TRPC4: variants seen among roughly 807,000 people sequenced by gnomAD.
TRPC4 encodes short transient receptor potential channel 4.
TRPC4 carries 49 observed loss-of-function variants against 99.4 expected under a neutral mutation model. The observed-to-expected ratio is 0.49, with a 90% CI of 0.39 to 0.63. The LOEUF is 0.63. Among genes scored for constraint, TRPC4 ranks in the 20% least tolerant of loss-of-function variants. TRPC4 has a pLI of 0.00. For missense variants in TRPC4, 898 were observed against 1,152.9 expected (o/e 0.78, Z 3.20); for synonymous variants, 454 against 425.9 (o/e 1.07, Z -0.81).
At chr13:37,774,056 A>G (rs1956634243) in intron 2 of TRPC4, among the ~76,000 whole-genome samples, 1 of 151,746 alleles carries the variant, frequency 6.6e-6, no homozygotes, top group South Asian at 2.1e-4. Context: ...GATTAAACTT[A>G]TATCTCCAAG....
chr13:37,790,863 G>T (rs1381970696), intron 1 of TRPC4, among the ~76,000 whole-genome samples: 1 of 152,028 alleles, frequency 6.6e-6, no homozygotes, highest in East Asian at 1.9e-4. Context: ...GACATATTTG[G>T]TGAGTTCAAT....
At chr13:37,866,780 C>T (rs1325130929) in intron 1 of TRPC4, among the ~76,000 whole-genome samples, 1 of 134,856 alleles carries the variant, frequency 7.4e-6, no homozygotes. Context: ...TTCATTATAA[C>T]TAGATAGAAA....
In TRPC4 at chr13:37,755,266, TA is replaced by T. The variant is rs574162015; in HGVS notation, c.379-8812del. On this transcript the variant is annotated intron_variant, in intron 2 of 10. Coordinates refer to ENST00000379705, the MANE Select transcript of TRPC4 (RefSeq NM_016179.4). ...GGATACATGTCCTAACCTGGCTCTT[TA>T]AAAAAAAAAAAAGAAGAAATAGGGT... Among the ~76,000 whole-genome samples, 870 of 141,884 alleles carry T rather than the reference TA, an allele frequency of 6.1e-3. 6 individuals are homozygous for T. Among genetic ancestry groups the T allele is most frequent in the Middle Eastern group, 0.014 (4 of 276 alleles). 93.1% of individuals were successfully genotyped at this position (141,884 alleles called of 152,430 possible). A position where few individuals can be genotyped will look rare whatever the true frequency, so the allele number is the denominator to read the frequency against.
At chr13:37,750,649 T>G (rs867579095) in intron 2 of TRPC4, among the ~76,000 whole-genome samples, 39 of 152,112 alleles carry the variant, frequency 2.6e-4, no homozygotes, top group African/African-American at 8.7e-4. Flanking sequence ...TGGCAATTTT[T>G]AAAAAAATTA....
rs1007259582 is a variant in TRPC4 at position 37,635,156 on chromosome 13, A to G, written c.*1747T>C. ...AAGGGACTCTTATGAAGCATACCAA[A>G]CTCATTCTCTCTCAAGGTATAGGAC... is the stretch of plus-strand genomic sequence containing the variant. On this transcript the variant is annotated 3_prime_UTR_variant, in exon 11 of 11. Transcript: ENST00000379705. Among the ~76,000 whole-genome samples the G allele has an allele frequency of 6.6e-6, 1 of 151,948 alleles. No homozygotes were observed. Among genetic ancestry groups the G allele is most frequent in the Non-Finnish European group, 1.5e-5 (1 of 67,948 alleles).
intron 6 of TRPC4, among the ~76,000 whole-genome samples, chr13:37,661,725 G>A (rs956461946): frequency 1.3e-5 from 2 of 151,640 alleles, no homozygotes; most frequent in Admixed American, 6.6e-5. Flanking sequence ...GAAGGAAGAG[G>A]TTGGTGGGGT....
chr13:37,801,253 A>C (rs1273933972), intron 1 of TRPC4, among the ~76,000 whole-genome samples: 1 of 152,186 alleles, frequency 6.6e-6, no homozygotes, highest in African/African-American at 2.4e-5. Context: ...AAAAGTCAGC[A>C]TCCCTCTCCT....
intron 3 of TRPC4, among the ~76,000 whole-genome samples, chr13:37,729,299 G>C (rs1404462207): frequency 6.6e-6 from 1 of 152,034 alleles, no homozygotes; most frequent in Non-Finnish European, 1.5e-5. Flanking sequence ...CACTCGTTAG[G>C]ATGGCCACTG....
chr13:37,768,534 TTC>T (rs1228335796), intron 2 of TRPC4, among the ~76,000 whole-genome samples: 1 of 151,476 alleles, frequency 6.6e-6, no homozygotes, highest in Admixed American at 6.6e-5. Flanking sequence ...AAGGACTTTT[TTC>T]TCTATTGAAC....
chr13:37,822,815 T>C (rs1292291534), intron 1 of TRPC4, among the ~76,000 whole-genome samples: 2 of 152,000 alleles, frequency 1.3e-5, no homozygotes, highest in African/African-American at 4.8e-5. Context: ...CAAATGGTAT[T>C]TCTAGTTCTA....
At chr13:37,733,753 G>A (rs1344795938) in intron 3 of TRPC4, among the ~76,000 whole-genome samples, 1 of 151,924 alleles carries the variant, frequency 6.6e-6, no homozygotes, top group Non-Finnish European at 1.5e-5. Context: ...TATATTCTAA[G>A]CACTGTTTCA....
At chr13:37,653,066 T>G (rs1952103669) in intron 7 of TRPC4, among the ~76,000 whole-genome samples, 2 of 152,146 alleles carry the variant, frequency 1.3e-5, no homozygotes, top group South Asian at 4.1e-4. Context: ...CTGAGCTGCC[T>G]CCTATCTCCA....
chr13:37,859,093 A>G (rs1030391163), intron 1 of TRPC4, among the ~76,000 whole-genome samples: 1 of 151,592 alleles, frequency 6.6e-6, no homozygotes, highest in Non-Finnish European at 1.5e-5. Flanking sequence ...AATAAAAAAT[A>G]TACAAAATGA....
At chr13:37,701,920 G>A (rs1413227156) in intron 3 of TRPC4, among the ~76,000 whole-genome samples, 1 of 152,072 alleles carries the variant, frequency 6.6e-6, no homozygotes, top group South Asian at 2.1e-4. Context: ...GCCATAAAAA[G>A]TACCATAAAT....
chr13:37,853,487 A>G (rs1959108157), intron 1 of TRPC4, among the ~76,000 whole-genome samples: 1 of 152,136 alleles, frequency 6.6e-6, no homozygotes, highest in African/African-American at 2.4e-5. Context: ...GACTACAATA[A>G]ACACCTAACT....
chr13:37,717,885 A>T (rs755275030), intron 3 of TRPC4, among the ~76,000 whole-genome samples: 1 of 152,166 alleles, frequency 6.6e-6, no homozygotes, highest in Non-Finnish European at 1.5e-5. Flanking sequence ...ACCTTTAATT[A>T]TAAAAATGAA....
At chr13:37,786,395 T>C (rs1442013363) in intron 1 of TRPC4, among the ~76,000 whole-genome samples, 1 of 142,394 alleles carries the variant, frequency 7.0e-6, no homozygotes, top group Non-Finnish European at 1.5e-5. Context: ...CATAAGGGAG[T>C]AAGGAAGATC....
intron 2 of TRPC4, among the ~76,000 whole-genome samples, chr13:37,770,971 A>G (rs898286382): frequency 3.3e-5 from 5 of 151,634 alleles, no homozygotes; most frequent in African/African-American, 1.2e-4. Context: ...TTGATGTTGA[A>G]TTACTTTAAT....
intron 3 of TRPC4, among the ~76,000 whole-genome samples, chr13:37,741,544 G>A (rs1955589289): frequency 1.3e-5 from 2 of 152,092 alleles, no homozygotes; most frequent in Admixed American, 6.6e-5. Flanking sequence ...CTGTCCCATC[G>A]CAGAATGGTA....
Sources: allele counts gnomAD v4.1 joint callset (sites outside exome capture counted in the v4.1 genomes callset), GRCh38; gene constraint gnomAD v4.1.1; transcripts MANE v1.5; gene names NCBI Gene and HGNC (gene_info 2026-07-23, HGNC 2026-07-21).